ZNF407: variants seen among roughly 807,000 people sequenced by gnomAD.
ZNF407 encodes zinc finger protein 407.
Under a neutral mutation model 131.2 loss-of-function variants are expected in ZNF407, and 17 were observed. That is an observed-to-expected ratio of 0.13 (90% CI 0.09 to 0.19). ZNF407 has a LOEUF of 0.19. Ranked by LOEUF, ZNF407 falls within the 10% of genes least tolerant of loss-of-function variation. The pLI, the probability that ZNF407 is intolerant of heterozygous loss-of-function variation, is 1.00. For synonymous variants in ZNF407, 1,156 were observed against 1,062.0 expected, an observed-to-expected ratio of 1.09 and a Z score of -1.72; for missense variants, 2,681 against 2,830.6, an observed-to-expected ratio of 0.95 and a Z score of 1.20.
chr18:74,872,926 G>T (rs997429520), intron 4 of ZNF407, among the ~76,000 whole-genome samples: 1 of 151,776 alleles, frequency 6.6e-6, no homozygotes. Context: ...TTGCCTAAAG[G>T]ATATAAAAAA....
chr18:74,623,601 A>G (rs1413792050), intron 1 of ZNF407, among the ~76,000 whole-genome samples: 1 of 152,252 alleles, frequency 6.6e-6, no homozygotes, highest in African/African-American at 2.4e-5. Flanking sequence ...GCCTTCTTTG[A>G]TATGCAGAAA....
intron 3 of ZNF407, among the ~76,000 whole-genome samples, chr18:74,674,582 G>A (rs755395476): frequency 1.3e-5 from 2 of 152,036 alleles, no homozygotes; most frequent in Non-Finnish European, 2.9e-5. Context: ...TCTCTTTGTA[G>A]TCTTATTTTC....
rs746887990 is a variant in ZNF407 at position 74,634,704 on chromosome 18, C to T, written c.3685C>T (p.His1229Tyr). 2.5e-6 allele frequency: 4 copies of T among 1,613,980 alleles called. No individual in the cohort carries two copies. The highest frequency in any genetic ancestry group is 3.3e-4 in the Middle Eastern group (2 of 6,062). Residue 1229 changes from histidine to tyrosine, a missense_variant, in exon 2 of 9, where the codon CAT (histidine) becomes TAT (tyrosine). By Grantham distance (83) the His-to-Tyr change is moderately conservative. Coordinates refer to ENST00000299687, the MANE Select transcript of ZNF407 (RefSeq NM_017757.3). ...ISNDAGELRV[H>Y]CEGEGGNAGD... The stretch of plus-strand genomic sequence containing the variant: ...GAATGATGCAGGTGAGCTGCGTGTC[C>T]ATTGTGAGGGTGAAGGAGGAAACGC...
chr18:74,991,205 AAAAC>A (rs1972714953), intron 8 of ZNF407, among the ~76,000 whole-genome samples: 1 of 152,262 alleles, frequency 6.6e-6, no homozygotes, highest in Admixed American at 6.5e-5. Flanking sequence ...GCACGCAGAT[AAAAC>A]CTGGAAACCA....
chr18:74,619,799 C>T (rs1983443802), intron 1 of ZNF407, among the ~76,000 whole-genome samples: 1 of 151,952 alleles, frequency 6.6e-6, no homozygotes, highest in Non-Finnish European at 1.5e-5. Flanking sequence ...AACAGCAAAT[C>T]CCATTTCTCT....
chr18:75,056,904 ATAATCTGT>A (rs1973568189), intron 8 of ZNF407, among the ~76,000 whole-genome samples: 1 of 152,220 alleles, frequency 6.6e-6, no homozygotes, highest in Non-Finnish European at 1.5e-5. Flanking sequence ...ATTTATTAGC[ATAATCTGT>A]TAATATTGTT....
chr18:74,670,137 A>G (rs1986085605), intron 3 of ZNF407, among the ~76,000 whole-genome samples: 1 of 152,216 alleles, frequency 6.6e-6, no homozygotes, highest in African/African-American at 2.4e-5. Context: ...CGTGCCAGGC[A>G]TTGGGGAATA....
intron 1 of ZNF407, among the ~76,000 whole-genome samples, chr18:74,608,880 T>A (rs1982929716): frequency 6.6e-6 from 1 of 152,216 alleles, no homozygotes; most frequent in Admixed American, 6.5e-5. Context: ...ACGTGAACTT[T>A]GATCTCTTGG....
chr18:74,648,411 G>A (rs531515494), intron 3 of ZNF407, among the ~76,000 whole-genome samples: 24 of 152,252 alleles, frequency 1.6e-4, no homozygotes, highest in African/African-American at 5.5e-4. Flanking sequence ...ACAGAGCTGG[G>A]CCATGCTGAG....
intron 4 of ZNF407, among the ~76,000 whole-genome samples, chr18:74,808,184 T>A (rs772213125): frequency 6.4e-4 from 98 of 152,328 alleles, no homozygotes; most frequent in Non-Finnish European, 1.1e-3. Flanking sequence ...TGGCTAATTT[T>A]GTATTTTTAG....
rs1370466937 is a variant in ZNF407, at chr18:75,064,063, C to G, written c.6342C>G (p.His2114Gln). The G allele has an allele frequency of 6.3e-7, 1 of 1,592,148 alleles. No individual in the cohort carries two copies. The highest frequency in any genetic ancestry group is 8.5e-7 in the Non-Finnish European group (1 of 1,170,248). The change falls in exon 9 of 9, where the codon CAC becomes CAG. Residue 2114 changes from histidine (H) to glutamine (Q), a missense_variant. Physicochemically the swap from His to Gln is conservative, Grantham distance 24. Coordinates refer to ENST00000299687, the MANE Select transcript of ZNF407 (RefSeq NM_017757.3). ...QVVVSEEGAV[H>Q]MVAGEGAQII... The stretch of plus-strand genomic sequence containing the variant: ...TGGTGAGCGAAGAGGGTGCCGTCCA[C>G]ATGGTCGCCGGGGAGGGTGCCCAGA...
At position 74,877,322 on chromosome 18, in the gene ZNF407, T is replaced by G. The variant is rs1231777849; in HGVS notation, c.5003T>G (p.Leu1668Arg). The change falls in exon 5 of 9, where the codon CTC becomes CGC. Residue 1668 changes from leucine to arginine, a missense_variant. Physicochemically the swap from Leu to Arg is moderately radical, Grantham distance 102 (BLOSUM62 -2). Around this residue, in one of 6 missense-constraint regions of ZNF407, gnomAD observed 213 missense variants for 332.2 expected, o/e 0.64. Transcript: ENST00000299687. ...CTWPTCHYSF[L>R]TASAMKDHYR... ...TGGCCCACGTGCCATTACTCATTCCTCACAGCCTCCGCAATGAAAGACCAC... is the reference window on the plus strand; with the variant it reads ...TGGCCCACGTGCCATTACTCATTCCGCACAGCCTCCGCAATGAAAGACCAC... The G allele has an allele frequency of 6.2e-7, 1 of 1,613,784 alleles. No homozygotes were observed. The highest frequency in any genetic ancestry group is 2.2e-5 in the East Asian group (1 of 44,886).
intron 7 of ZNF407, among the ~76,000 whole-genome samples, chr18:74,891,423 A>G (rs1174779435): frequency 1.3e-5 from 2 of 152,226 alleles, no homozygotes; most frequent in Non-Finnish European, 2.9e-5. Flanking sequence ...AGGTTTTTGT[A>G]TTCCTGTGGA....
intron 4 of ZNF407, chr18:74,803,865 G>C: frequency 7.8e-7 from 1 of 1,279,476 alleles, no homozygotes; most frequent in Non-Finnish European, 1.1e-6. Flanking sequence ...GTTTCAAAAA[G>C]GTCAGGAATG....
intron 8 of ZNF407, among the ~76,000 whole-genome samples, chr18:75,002,721 C>T (rs1323002022): frequency 1.3e-5 from 2 of 150,544 alleles, no homozygotes; most frequent in Non-Finnish European, 2.9e-5. Context: ...AGGAGAATGG[C>T]GTGAACCCGG....
chr18:74,751,930 C>A (rs1173352023), intron 3 of ZNF407, among the ~76,000 whole-genome samples: 1 of 152,130 alleles, frequency 6.6e-6, no homozygotes, highest in African/African-American at 2.4e-5. Context: ...AGTTCTAGAT[C>A]CCTGAGGAAT....
At chr18:74,880,836 C>T (rs573471197) in intron 5 of ZNF407, among the ~76,000 whole-genome samples, 200 bp from the exon 6 acceptor site, 80 of 152,174 alleles carry the variant, frequency 5.3e-4, no homozygotes, top group Non-Finnish European at 1.0e-3. Context: ...TTTTATGGGT[C>T]TGACAAGTAT....
At chr18:74,719,763 C>T (rs577373361) in intron 3 of ZNF407, among the ~76,000 whole-genome samples, 1 of 152,290 alleles carries the variant, frequency 6.6e-6, no homozygotes, top group South Asian at 2.1e-4. Context: ...GAGAATTTAA[C>T]TTTCTGTTTC....
chr18:74,997,525 G>A (rs147053666), intron 8 of ZNF407, among the ~76,000 whole-genome samples: 28 of 152,308 alleles, frequency 1.8e-4, no homozygotes, highest in African/African-American at 6.7e-4. Context: ...GACTAAATGT[G>A]CATGTTTGAG....
Sources: allele counts gnomAD v4.1 joint callset (sites outside exome capture counted in the v4.1 genomes callset), GRCh38; gene constraint gnomAD v4.1.1; regional missense constraint gnomAD v4.1.1; transcripts MANE v1.5; gene names NCBI Gene and HGNC (gene_info 2026-07-23, HGNC 2026-07-21).